Variants in IGSF11 observed in about 807,000 individuals in gnomAD.
The protein encoded by IGSF11 is CXADR like 1.
Under a neutral mutation model 41.0 loss-of-function variants are expected in IGSF11, and 22 were observed. That is an observed-to-expected ratio of 0.54 (90% CI 0.38 to 0.77). IGSF11 has a LOEUF of 0.77. IGSF11 is among the 30% of genes least tolerant of loss of function. IGSF11 has a pLI of 0.00. For synonymous variants in IGSF11, 219 were observed against 201.3 expected (o/e 1.09, Z -0.74); for missense variants, 444 against 530.8 (o/e 0.84, Z 1.61).
intron 1 of IGSF11, among the ~76,000 whole-genome samples, chr3:118,992,893 G>C (rs1259439927): frequency 2.0e-5 from 3 of 152,136 alleles, no homozygotes; most frequent in Non-Finnish European, 4.4e-5. Context: ...TCATACACAA[G>C]GGATTTGTAT....
intron 1 of IGSF11, among the ~76,000 whole-genome samples, chr3:119,075,917 G>C (rs1258374285): frequency 1.3e-5 from 2 of 152,090 alleles, no homozygotes; most frequent in South Asian, 4.2e-4. Flanking sequence ...CTACTTTAAA[G>C]TTCATATGGA....
exon 1 of IGSF11, chr3:119,105,219 G>A (rs760502500): frequency 6.6e-7 from 1 of 1,518,776 alleles, no homozygotes; most frequent in Non-Finnish European, 9.1e-7. Context: ...AGGAAGGTGA[G>A]AACAGGGGAA....
intron 1 of IGSF11, among the ~76,000 whole-genome samples, chr3:119,126,064 T>G (rs950410461): frequency 6.6e-6 from 1 of 152,180 alleles, no homozygotes; most frequent in Non-Finnish European, 1.5e-5. Flanking sequence ...CTCTAAGCTG[T>G]TTGAGCTCCT....
chr3:119,048,700 A>G (rs1354813922), intron 1 of IGSF11, among the ~76,000 whole-genome samples: 2 of 152,086 alleles, frequency 1.3e-5, no homozygotes, highest in African/African-American at 2.4e-5. Flanking sequence ...ACAAAAAAAG[A>G]CAATTTTAGA....
At position 118,926,089 on chromosome 3, in the gene IGSF11, C is replaced by A; in HGVS notation, c.580+12G>T. ...ATAACTAATAAAATGGGTAAAGCAG[C>A]ACTGTACATACCCTGAGTAGCTGTT... On this transcript the variant is annotated intron_variant, in intron 4 of 6. Coordinates refer to ENST00000393775, the MANE Select transcript of IGSF11 (RefSeq NM_001015887.3). 1 of 1,549,010 alleles carries A rather than the reference C, an allele frequency of 6.5e-7. No individual in the cohort carries two copies. Among genetic ancestry groups the A allele is most frequent in the South Asian group, 1.2e-5 (1 of 81,822 alleles).
At position 119,050,349 on chromosome 3, in the gene IGSF11, A is replaced by G. The variant is rs1471527808; in HGVS notation, c.49+54795T>C. 1.4e-4 allele frequency among the ~76,000 whole-genome samples: 21 copies of G among 152,372 alleles called. No individual in the cohort carries two copies. The East Asian group carries it at 3.9e-3, about 28-fold the overall frequency. On this transcript the variant is annotated intron_variant, in intron 1 of 6. Transcript: ENST00000354673. ...AAGTGGGCAAAGGACGTGAACAGAC[A>G]CTTCTCAAAAGAAGACATTTATGCA...
chr3:119,031,705 G>C lies in IGSF11; in HGVS notation c.52+2826C>G, dbSNP rs547578491. Among the ~76,000 whole-genome samples, 20 of 152,292 alleles carry C rather than the reference G, an allele frequency of 1.3e-4. 1 individual carries two copies. Among genetic ancestry groups the C allele is most frequent in the African/African-American group, 4.3e-4 (18 of 41,556 alleles). The stretch of plus-strand genomic sequence containing the variant: ...TATGTGTATTAGGCTTAGTATCTCT[G>C]AAATTTTCATCCCGTAGCTGTCATC... On this transcript the variant is annotated intron_variant, in intron 1 of 6. Transcript: ENST00000393775.
chr3:119,112,035 G>T (rs1341224571), intron 1 of IGSF11, among the ~76,000 whole-genome samples: 7 of 152,206 alleles, frequency 4.6e-5, no homozygotes, highest in Admixed American at 2.0e-4. Flanking sequence ...CTGCTCGGGG[G>T]TCAGGGGTCT....
chr3:118,964,969 C>A (rs1175956956), intron 1 of IGSF11, among the ~76,000 whole-genome samples: 1 of 152,052 alleles, frequency 6.6e-6, no homozygotes, highest in Non-Finnish European at 1.5e-5. Flanking sequence ...TGTATAACTT[C>A]CACGTACTTT....
At chr3:119,105,568 T>C (rs902702887), upstream of IGSF11, among the ~76,000 whole-genome samples, 3 of 152,318 alleles carry the variant, frequency 2.0e-5, no homozygotes, top group Non-Finnish European at 4.4e-5. Context: ...GTCACCTGCA[T>C]CAGTCACAAC....
chr3:118,993,280 G>C (rs1030641294), intron 1 of IGSF11, among the ~76,000 whole-genome samples: 2 of 152,154 alleles, frequency 1.3e-5, no homozygotes, highest in Non-Finnish European at 2.9e-5. Context: ...ATGATGTCCA[G>C]TATCATTAAT....
At chr3:119,092,205 G>A (rs999100337) in intron 1 of IGSF11, among the ~76,000 whole-genome samples, 12 of 151,388 alleles carry the variant, frequency 7.9e-5, no homozygotes, top group African/African-American at 2.9e-4. Context: ...TGATATGAAG[G>A]AATAAAAAAG....
At chr3:118,960,978 TTGA>T (rs1332414106) in intron 1 of IGSF11, among the ~76,000 whole-genome samples, 2 of 152,252 alleles carry the variant, frequency 1.3e-5, no homozygotes, top group African/African-American at 4.8e-5. Context: ...ATTCATTTAT[TTGA>T]AATCTGACCT....
At chr3:118,920,179 G>A (rs1414834339) in intron 4 of IGSF11, among the ~76,000 whole-genome samples, 1 of 149,250 alleles carries the variant, frequency 6.7e-6, no homozygotes, top group Non-Finnish European at 1.5e-5. Context: ...GTTAGTGGGT[G>A]CAGAGCACCA....
At chr3:119,023,127 T>C (rs1030149206) in intron 1 of IGSF11, among the ~76,000 whole-genome samples, 1 of 152,064 alleles carries the variant, frequency 6.6e-6, no homozygotes, top group Non-Finnish European at 1.5e-5. Context: ...CCAGGCGTTG[T>C]GGCTGATGCC....
chr3:119,084,979 A>G (rs991617963), intron 1 of IGSF11, among the ~76,000 whole-genome samples: 10 of 150,628 alleles, frequency 6.6e-5, no homozygotes, highest in African/African-American at 2.4e-4. Context: ...GAACCTAGGT[A>G]TGCCTCCTTC....
chr3:119,050,913 G>A (rs534825638), intron 1 of IGSF11, among the ~76,000 whole-genome samples: 2,950 of 149,012 alleles, frequency 0.02, 100 homozygotes, highest in African/African-American at 0.07. Context: ...ACCAAACACC[G>A]CATATTCTCA....
At chr3:119,128,789 T>C (rs1417249132) in intron 1 of IGSF11, among the ~76,000 whole-genome samples, 1 of 152,140 alleles carries the variant, frequency 6.6e-6, no homozygotes, top group Non-Finnish European at 1.5e-5. Flanking sequence ...AGAAATACCA[T>C]TTGACCCAGC....
At chr3:118,974,865 T>C (rs1933890603) in intron 1 of IGSF11, among the ~76,000 whole-genome samples, 2 of 152,144 alleles carry the variant, frequency 1.3e-5, no homozygotes, top group South Asian at 2.1e-4. Flanking sequence ...AAAAATATAT[T>C]TGTCAAAACA....
Sources: gnomAD v4.1 joint callset for allele counts (sites outside exome capture counted in the v4.1 genomes callset) on GRCh38, gnomAD v4.1.1 for gene constraint, MANE v1.5 for transcripts, NCBI Gene and HGNC (gene_info 2026-07-23, HGNC 2026-07-21) for gene names.